TANC1: variants seen among roughly 807,000 people sequenced by gnomAD.
TANC1 encodes the protein protein TANC1.
TANC1 carries 77 observed loss-of-function variants against 149.7 expected under a neutral mutation model. The observed-to-expected ratio is 0.51, with a 90% CI of 0.43 to 0.62. The LOEUF (loss-of-function observed/expected upper bound fraction) is 0.62. Ranked by LOEUF, TANC1 falls within the 20% of genes least tolerant of loss-of-function variation. The pLI, the probability that TANC1 is intolerant of heterozygous loss-of-function variation, is 0.00. For missense variants in TANC1, 1,985 were observed against 2,321.8 expected (o/e 0.85, Z 2.98); for synonymous variants, 854 against 925.0 (o/e 0.92, Z 1.39).
chr2:159,150,007 A>G (rs1018434524), intron 6 of TANC1: 2 of 189,464 alleles, frequency 1.1e-5, no homozygotes, highest in African/African-American at 4.7e-5. Flanking sequence ...TACAGAGGTC[A>G]AATAACCCAT....
In TANC1 at chr2:159,179,108, G is replaced by A; in HGVS notation, c.2455G>A (p.Glu819Lys). 1 of 1,613,696 alleles carries A rather than the reference G, an allele frequency of 6.2e-7. No homozygotes were observed. Residue 819 changes from glutamate (E) to lysine (K), a missense_variant, in exon 14 of 27, where the codon GAG becomes AAG. By Grantham distance (56) the Glu-to-Lys change is moderately conservative. Around this residue, in one of 3 missense-constraint regions of TANC1, gnomAD observed 508 missense variants for 714.2 expected, o/e 0.71. Transcript: ENST00000263635. ...TRMFCHPSFR[E>K]WLVWRADGEN... ...CATGTTCTGCCACCCGTCCTTCAGGGAGTGGCTTGTATGGAGAGCAGACGG... is the reference window on the plus strand; with the variant it reads ...CATGTTCTGCCACCCGTCCTTCAGGAAGTGGCTTGTATGGAGAGCAGACGG...
At chr2:159,098,855 G>A (rs1226379662) in intron 4 of TANC1, among the ~76,000 whole-genome samples, 1 of 151,908 alleles carries the variant, frequency 6.6e-6, no homozygotes, top group Admixed American at 6.6e-5. Context: ...GGTTTGTGGA[G>A]TGTTTACAAA....
At chr2:159,016,144 T>C (rs954059309) in intron 2 of TANC1, among the ~76,000 whole-genome samples, 1 of 152,222 alleles carries the variant, frequency 6.6e-6, no homozygotes, top group Admixed American at 6.5e-5. Flanking sequence ...GACTTTTCCA[T>C]GTGACTGAGG....
chr2:159,018,644 T>A (rs2038511980), intron 2 of TANC1, among the ~76,000 whole-genome samples: 1 of 152,220 alleles, frequency 6.6e-6, no homozygotes, highest in Non-Finnish European at 1.5e-5. Context: ...AAACAATAAC[T>A]TTCCATTTCT....
chr2:159,131,141 TG>T (rs972496626), intron 4 of TANC1, among the ~76,000 whole-genome samples: 17 of 151,936 alleles, frequency 1.1e-4, no homozygotes, highest in African/African-American at 3.6e-4. Flanking sequence ...ATCTCATAGC[TG>T]GGGGCTGGGG....
At position 159,086,020 on chromosome 2, in the gene TANC1, G is replaced by T. The variant is rs548508075; in HGVS notation, c.62-11617G>T. On this transcript the variant is annotated intron_variant, in intron 3 of 26. Transcript: ENST00000263635. The stretch of plus-strand genomic sequence containing the variant: ...GTAATTGGGATGGAGAATGGCTTTA[G>T]CAGTGGGGTATCCTGTGGTTAGTTG... Among the ~76,000 whole-genome samples the T allele has an allele frequency of 4.6e-5, 7 of 152,308 alleles. No individual in the cohort carries two copies. In the South Asian group the frequency reaches 1.0e-3, roughly 23 times the overall value.
chr2:158,974,238 C>T (rs1424236517), intron 1 of TANC1, among the ~76,000 whole-genome samples: 1 of 152,146 alleles, frequency 6.6e-6, no homozygotes, highest in Non-Finnish European at 1.5e-5. Flanking sequence ...CCTAGGCTCA[C>T]TGGTGCCGTG....
At chr2:158,978,190 A>G (rs903941401) in intron 1 of TANC1, among the ~76,000 whole-genome samples, 3 of 152,066 alleles carry the variant, frequency 2.0e-5, no homozygotes, top group Non-Finnish European at 4.4e-5. Context: ...CTCCTTTGGG[A>G]GAAAGGGAGA....
chr2:159,006,982 G>T (rs536323464), intron 2 of TANC1, among the ~76,000 whole-genome samples: 1 of 152,080 alleles, frequency 6.6e-6, no homozygotes, highest in African/African-American at 2.4e-5. Context: ...TCTTACACAG[G>T]TATGCAAAAT....
At chr2:159,134,650 T>C (rs2050464455) in intron 4 of TANC1, among the ~76,000 whole-genome samples, 4 of 152,072 alleles carry the variant, frequency 2.6e-5, no homozygotes, top group Admixed American at 1.3e-4. Flanking sequence ...GCCTGGCTAA[T>C]TTTTGTATTT....
intron 4 of TANC1, among the ~76,000 whole-genome samples, chr2:159,126,894 T>G (rs2049507571): frequency 6.6e-6 from 1 of 152,252 alleles, no homozygotes; most frequent in Admixed American, 6.5e-5. Flanking sequence ...ATTTGTTGAG[T>G]AAATAAAATG....
intron 2 of TANC1, among the ~76,000 whole-genome samples, chr2:159,007,146 T>G (rs1434726588): frequency 6.9e-6 from 1 of 144,744 alleles, no homozygotes; most frequent in African/African-American, 2.6e-5. Context: ...CTGTTTTTTT[T>G]TTTTTTTTTT....
At chr2:159,017,361 C>G (rs1417108537) in intron 2 of TANC1, among the ~76,000 whole-genome samples, 4 of 152,086 alleles carry the variant, frequency 2.6e-5, no homozygotes, top group Non-Finnish European at 5.9e-5. Context: ...TTTAAGGAAC[C>G]TTTTATGCCA....
At chr2:159,217,359 C>A (rs2059413184) in intron 19 of TANC1, 138 bp from the exon 20 acceptor site, 1 of 1,106,240 alleles carries the variant, frequency 9.0e-7, no homozygotes, top group Non-Finnish European at 1.3e-6. Flanking sequence ...TCAAAGCTGT[C>A]ACAGAGCCCC....
At chr2:159,122,558 A>C (rs2048963646) in intron 4 of TANC1, among the ~76,000 whole-genome samples, 1 of 152,100 alleles carries the variant, frequency 6.6e-6, no homozygotes, top group Non-Finnish European at 1.5e-5. Flanking sequence ...CAGTTCTTTC[A>C]CCCCAAAATA....
At chr2:159,075,042 T>C (rs981066456) in intron 3 of TANC1, among the ~76,000 whole-genome samples, 3 of 152,140 alleles carry the variant, frequency 2.0e-5, no homozygotes, top group African/African-American at 7.2e-5. Flanking sequence ...AGCTTCAACA[T>C]AGGAATTTTG....
chr2:159,149,363 CA>C, intron 6 of TANC1, 91 bp downstream of exon 6: 10 of 1,566,726 alleles, frequency 6.4e-6, no homozygotes, highest in Non-Finnish European at 7.9e-6. Context: ...GCAGGGAAGC[CA>C]TTGTTCAGTT....
At chr2:159,219,161 T>C in intron 20 of TANC1, 77 bp from the exon 21 acceptor site, 2 of 1,583,058 alleles carry the variant, frequency 1.3e-6, no homozygotes, top group South Asian at 2.2e-5. Context: ...TTTTTAAAGG[T>C]TGAGAAACCT....
intron 3 of TANC1, among the ~76,000 whole-genome samples, chr2:159,080,119 TC>T (rs1427600635): frequency 1.3e-5 from 2 of 151,878 alleles, no homozygotes; most frequent in African/African-American, 4.8e-5. Flanking sequence ...TGCCTATACC[TC>T]CCTCCCCGAG....
Sources: allele counts gnomAD v4.1 joint callset (sites outside exome capture counted in the v4.1 genomes callset), GRCh38; gene constraint gnomAD v4.1.1; regional missense constraint gnomAD v4.1.1; transcripts MANE v1.5; gene names NCBI Gene and HGNC (gene_info 2026-07-23, HGNC 2026-07-21).